Variants in LUZP2 observed in about 807,000 individuals in gnomAD.
The protein encoded by LUZP2 is leucine zipper protein 2.
LUZP2 carries 52 observed loss-of-function variants against 51.6 expected under a neutral mutation model. The ratio of observed to expected loss-of-function variants is 1.01; its 90% CI spans 0.81 to 1.27. LUZP2 has a LOEUF of 1.27. LUZP2 is among the 50% of genes most tolerant of loss of function. LUZP2 has a pLI of 0.00. For missense variants in LUZP2, 436 were observed against 395.4 expected, an observed-to-expected ratio of 1.10 and a Z score of -0.87; for synonymous variants, 154 against 137.3, an observed-to-expected ratio of 1.12 and a Z score of -0.85.
intron 1 of LUZP2, among the ~76,000 whole-genome samples, chr11:24,669,509 A>G (rs1399718187): frequency 2.0e-5 from 3 of 152,100 alleles, no homozygotes; most frequent in African/African-American, 7.2e-5. Flanking sequence ...GTTTTAAACC[A>G]TTAGAGGAAA....
At chr11:24,639,871 C>T (rs903007798) in intron 1 of LUZP2, among the ~76,000 whole-genome samples, 1 of 151,938 alleles carries the variant, frequency 6.6e-6, no homozygotes, top group Non-Finnish European at 1.5e-5. Flanking sequence ...TTCCTCTCCT[C>T]ACTACCCTGT....
chr11:24,741,917 TACATTTATATATTATATATA>T (rs1859166552), intron 4 of LUZP2, among the ~76,000 whole-genome samples: 3 of 20,036 alleles, frequency 1.5e-4, no homozygotes, highest in African/African-American at 2.0e-4. Context: ...ATATAATATA[TACATTTATATATTATATATA>T]AATATATACA....
intron 1 of LUZP2, among the ~76,000 whole-genome samples, chr11:24,566,181 G>T (rs190600746): frequency 6.6e-6 from 1 of 151,574 alleles, no homozygotes; most frequent in Non-Finnish European, 1.5e-5. Flanking sequence ...TTCATGAAAA[G>T]CTATTAGAAA....
At chr11:24,877,968 A>G (rs1484091280) in intron 5 of LUZP2, among the ~76,000 whole-genome samples, 1 of 152,142 alleles carries the variant, frequency 6.6e-6, no homozygotes, top group Non-Finnish European at 1.5e-5. Context: ...ACAGTACTCC[A>G]TTGTGTATAT....
chr11:24,613,430 C>A (rs1854186489), intron 1 of LUZP2, among the ~76,000 whole-genome samples: 1 of 151,824 alleles, frequency 6.6e-6, no homozygotes, highest in Non-Finnish European at 1.5e-5. Context: ...TAAAAAATGA[C>A]ATAGGGTAAA....
chr11:25,019,615 C>G (rs1303058610), intron 9 of LUZP2, among the ~76,000 whole-genome samples: 1 of 152,068 alleles, frequency 6.6e-6, no homozygotes. Flanking sequence ...TTATGTCCTC[C>G]TTTCTTCCTC....
At chr11:24,776,994 G>GTT (rs34070504) in intron 5 of LUZP2, among the ~76,000 whole-genome samples, 383 of 136,750 alleles carry the variant, frequency 2.8e-3, no homozygotes, top group Non-Finnish European at 2.6e-3. Context: ...ACTGTAAGTA[G>GTT]TTTTTTTTTT....
At chr11:24,957,770 A>T (rs978092386) in intron 7 of LUZP2, among the ~76,000 whole-genome samples, 3 of 152,000 alleles carry the variant, frequency 2.0e-5, no homozygotes, top group African/African-American at 7.2e-5. Flanking sequence ...TTTTATTAAT[A>T]TACTTTAAGT....
At chr11:24,957,579 A>G (rs1042656520) in intron 7 of LUZP2, among the ~76,000 whole-genome samples, 5 of 152,134 alleles carry the variant, frequency 3.3e-5, no homozygotes, top group African/African-American at 1.2e-4. Flanking sequence ...GACTACATAT[A>G]AGTGAGAACG....
intron 4 of LUZP2, among the ~76,000 whole-genome samples, chr11:24,757,799 T>G (rs2631413): frequency 0.77 from 116,779 of 151,862 alleles, 45,016 homozygotes; most frequent in East Asian, 0.89. Context: ...ATCAGCAACT[T>G]TCAACTAATT....
At chr11:24,799,247 A>G (rs1387642887) in intron 5 of LUZP2, among the ~76,000 whole-genome samples, 1 of 152,204 alleles carries the variant, frequency 6.6e-6, no homozygotes, top group Non-Finnish European at 1.5e-5. Context: ...ACCTTAATAT[A>G]GAGAGAAAAC....
intron 10 of LUZP2, among the ~76,000 whole-genome samples, chr11:25,068,306 A>C (rs1337912249): frequency 6.6e-6 from 1 of 152,056 alleles, no homozygotes; most frequent in Non-Finnish European, 1.5e-5. Flanking sequence ...CCAGAAGTTA[A>C]AGTATGGTTA....
At chr11:25,019,729 G>A (rs964851584) in intron 9 of LUZP2, among the ~76,000 whole-genome samples, 1 of 152,054 alleles carries the variant, frequency 6.6e-6, no homozygotes, top group Non-Finnish European at 1.5e-5. Flanking sequence ...ATGTTATTGA[G>A]CTTAAGATTT....
intron 5 of LUZP2, among the ~76,000 whole-genome samples, chr11:24,853,721 C>T (rs1171089652): frequency 1.3e-5 from 2 of 152,068 alleles, no homozygotes. Context: ...TTGGAATTTT[C>T]AGATGTTTTG....
intron 7 of LUZP2, among the ~76,000 whole-genome samples, chr11:24,937,149 T>G (rs966553958): frequency 2.0e-5 from 3 of 152,196 alleles, no homozygotes; most frequent in African/African-American, 7.2e-5. Flanking sequence ...AAAGCAATTC[T>G]AAGAAAAACT....
intron 5 of LUZP2, among the ~76,000 whole-genome samples, chr11:24,785,574 G>A (rs571253034): frequency 1.3e-5 from 2 of 151,798 alleles, no homozygotes; most frequent in South Asian, 4.2e-4. Flanking sequence ...AATATAAGAA[G>A]AGTATGACAT....
At chr11:24,867,276 A>C (rs1162095906) in intron 5 of LUZP2, among the ~76,000 whole-genome samples, 5 of 152,118 alleles carry the variant, frequency 3.3e-5, no homozygotes, top group Non-Finnish European at 5.9e-5. Context: ...AGGGATATAC[A>C]AGACATAATT....
intron 4 of LUZP2, among the ~76,000 whole-genome samples, chr11:24,760,054 G>A (rs943627523): frequency 1.2e-4 from 18 of 152,092 alleles, no homozygotes; most frequent in Non-Finnish European, 2.1e-4. Flanking sequence ...GGAGCCAGTA[G>A]GGTGGCAGAA....
chr11:24,501,211 AAC>A (rs1435391081), intron 1 of LUZP2, among the ~76,000 whole-genome samples: 6 of 152,338 alleles, frequency 3.9e-5, no homozygotes, highest in African/African-American at 1.4e-4. Context: ...AGAAGATATT[AAC>A]ACACAAATAT....
Sources: allele counts gnomAD v4.1 joint callset (sites outside exome capture counted in the v4.1 genomes callset), GRCh38; gene constraint gnomAD v4.1.1; transcripts MANE v1.5; gene names NCBI Gene and HGNC (gene_info 2026-07-23, HGNC 2026-07-21).